TTLL4: variants seen among roughly 807,000 people sequenced by gnomAD.
TTLL4 encodes tubulin monoglutamylase TTLL4.
A neutral mutation model predicts 122.7 loss-of-function variants in TTLL4; 85 were observed. That is an observed-to-expected ratio of 0.69 (90% CI 0.58 to 0.83). The LOEUF (loss-of-function observed/expected upper bound fraction) is 0.83. TTLL4 is among the 40% of genes least tolerant of loss of function. The pLI, the probability that TTLL4 is intolerant of heterozygous loss-of-function variation, is 0.00. For missense variants in TTLL4, 1,363 were observed against 1,488.6 expected, an observed-to-expected ratio of 0.92 and a Z score of 1.39; for synonymous variants, 553 against 563.0, an observed-to-expected ratio of 0.98 and a Z score of 0.25.
chr2:218,724,371 A>G (rs150076247), intron 1 of TTLL4, among the ~76,000 whole-genome samples: 3 of 152,308 alleles, frequency 2.0e-5, no homozygotes, highest in Admixed American at 1.3e-4. Flanking sequence ...TTAACAGTGA[A>G]TGACTCAAGC....
At position 218,754,699 on chromosome 2, in the gene TTLL4, C is replaced by T. The variant is rs1036730995; in HGVS notation, c.*310C>T. On this transcript the variant is annotated 3_prime_UTR_variant, in exon 20 of 20. Transcript: ENST00000392102. Reference sequence around the variant, plus strand: ...GGTTTTGGTTTCTACCTTAAGTGAGCCATGTGTGGTTTGTCTGGGGGCCCT... The same window carrying T: ...GGTTTTGGTTTCTACCTTAAGTGAGTCATGTGTGGTTTGTCTGGGGGCCCT... 9.9e-6 allele frequency: 4 copies of T among 402,384 alleles called. No homozygotes were observed. Among genetic ancestry groups the T allele is most frequent in the Non-Finnish European group, 1.4e-5 (3 of 221,624 alleles). 24.9% of individuals were successfully genotyped at this position (402,384 alleles called of 1,614,324 possible).
At chr2:218,730,339 A>C (rs1328061079) in intron 2 of TTLL4, among the ~76,000 whole-genome samples, 10 of 142,112 alleles carry the variant, frequency 7.0e-5, no homozygotes, top group Non-Finnish European at 1.4e-4. Context: ...AAAAAAAAAA[A>C]AAAAAAAAAA....
chr2:218,722,226 C>T (rs946281007), intron 1 of TTLL4, among the ~76,000 whole-genome samples: 9 of 152,022 alleles, frequency 5.9e-5, no homozygotes, highest in Admixed American at 5.9e-4. Context: ...CCTTGGTGAC[C>T]AAGTGACCTG....
rs1041332078 is a variant in TTLL4, at chr2:218,745,219, C to G, written c.1772C>G (p.Thr591Ser). Residue 591 changes from threonine to serine, a missense_variant, in exon 6 of 20, where the codon ACT (threonine) becomes AGT (serine). By Grantham distance (58) the Thr-to-Ser change is moderately conservative. Coordinates refer to ENST00000392102, the MANE Select transcript of TTLL4 (RefSeq NM_014640.5). ...PNVPPTIYFG[T>S]RDERVEKLPW... ...GTTCCCCCTACCATCTATTTTGGCA[C>G]TCGGGATGAGAGAGGTAAACCTGGC... 5 of 1,614,018 alleles carry G rather than the reference C, an allele frequency of 3.1e-6. No individual in the cohort carries two copies.
At chr2:218,746,005 C>T (rs11898059) in intron 7 of TTLL4, 150 bp from the exon 8 acceptor site, 52,245 of 958,226 alleles carry the variant, frequency 0.055, 1,627 homozygotes, top group African/African-American at 0.11. Context: ...ATTGTTCTGT[C>T]CCTGGCCCCA....
intron 1 of TTLL4, among the ~76,000 whole-genome samples, chr2:218,726,771 T>C (rs1942210812): frequency 6.7e-6 from 1 of 149,318 alleles, no homozygotes; most frequent in African/African-American, 2.5e-5. Flanking sequence ...CTGGCCTCTT[T>C]TGTGAAATTT....
In TTLL4 at chr2:218,726,898, G is replaced by A. The variant is rs186851181; in HGVS notation, c.-177-371G>A. 7.4e-3 allele frequency among the ~76,000 whole-genome samples: 1,124 copies of A among 152,174 alleles called. 12 individuals carry two copies. Among genetic ancestry groups the A allele is most frequent in the African/African-American group, 0.026 (1,074 of 41,504 alleles). On this transcript the variant is annotated intron_variant, in intron 1 of 19. Coordinates refer to ENST00000392102, the MANE Select transcript of TTLL4 (RefSeq NM_014640.5). ...CAGCTCACTGCAACCTTTGCCTCCCGGGTTCAAGTGATTGTCCTGCCTCAG... is the reference window on the plus strand; with the variant it reads ...CAGCTCACTGCAACCTTTGCCTCCCAGGTTCAAGTGATTGTCCTGCCTCAG...
At chr2:218,735,540 T>C (rs751063920) in intron 2 of TTLL4, among the ~76,000 whole-genome samples, 12 of 152,192 alleles carry the variant, frequency 7.9e-5, no homozygotes, top group Admixed American at 1.3e-4. Context: ...TGCCACTGCA[T>C]TCCAGTTTGG....
Position 218,726,899 on chromosome 2 carries a change from G to C in TTLL4, c.-177-370G>C, listed in dbSNP as rs866867546. 1.2e-4 allele frequency among the ~76,000 whole-genome samples: 18 copies of C among 152,246 alleles called. 1 individual carries two copies. The Middle Eastern group carries it at 0.014, about 115-fold the overall frequency. On this transcript the variant is annotated intron_variant, in intron 1 of 19. Transcript: ENST00000392102. The stretch of plus-strand genomic sequence containing the variant: ...AGCTCACTGCAACCTTTGCCTCCCG[G>C]GTTCAAGTGATTGTCCTGCCTCAGC...
Position 218,737,633 on chromosome 2 carries a change from C to T in TTLL4, c.-44C>T. ...CTACCGGAGGTGTGTGGCACCTTAC[C>T]TCAGCAAGGCCATGAGACCGTGTGG... is the stretch of plus-strand genomic sequence containing the variant. On this transcript the variant is annotated 5_prime_UTR_variant, in exon 3 of 20. Transcript: ENST00000392102. The T allele has an allele frequency of 1.3e-6, 2 of 1,531,178 alleles. No individual in the cohort carries two copies. The highest frequency in any genetic ancestry group is 1.8e-6 in the Non-Finnish European group (2 of 1,140,668). 94.8% of individuals were successfully genotyped at this position (1,531,178 alleles called of 1,614,324 possible).
rs368973903 is a variant in TTLL4 at position 218,751,699 on chromosome 2, C to T, written c.2874-5C>T. The stretch of plus-strand genomic sequence containing the variant: ...CCTTTGCTTTCTTTCTGGCCTCTGC[C>T]GTAGCCTGCCCACCTCCCCTGGGGA... On this transcript the variant is annotated splice_region_variant and splice_polypyrimidine_tract_variant and intron_variant, in intron 15 of 19. Transcript: ENST00000392102. The T allele has an allele frequency of 9.3e-6, 15 of 1,611,900 alleles. No homozygotes were observed. Among genetic ancestry groups the T allele is most frequent in the Admixed American group, 8.4e-5 (5 of 59,872 alleles).
At chr2:218,758,395 A>G (rs1402854596), downstream of TTLL4, among the ~76,000 whole-genome samples, 1 of 152,246 alleles carries the variant, frequency 6.6e-6, no homozygotes, top group Non-Finnish European at 1.5e-5. Context: ...GGTGCCTGAT[A>G]ATATATGATG....
intron 3 of TTLL4, 34 bp downstream of exon 3, chr2:218,739,197 A>G (rs372826280): frequency 1.3e-6 from 2 of 1,583,642 alleles, no homozygotes; most frequent in African/African-American, 2.7e-5. Flanking sequence ...CATTTAGAGC[A>G]GTAGAATGTA....
chr2:218,731,371 A>C (rs1471801776), intron 2 of TTLL4, among the ~76,000 whole-genome samples: 2 of 151,520 alleles, frequency 1.3e-5, no homozygotes, highest in African/African-American at 4.9e-5. Context: ...AGATTGTACC[A>C]CTACACTCCA....
At chr2:218,719,142 T>G (rs1026836066) in intron 1 of TTLL4, among the ~76,000 whole-genome samples, 1 of 152,214 alleles carries the variant, frequency 6.6e-6, no homozygotes, top group Admixed American at 6.5e-5. Flanking sequence ...AGACTTAGTG[T>G]TCCATAAAGT....
At chr2:218,751,886 TC>T (rs376660941) in intron 16 of TTLL4, 80 bp downstream of exon 16, 36 of 987,544 alleles carry the variant, frequency 3.6e-5, no homozygotes, top group South Asian at 1.2e-4. Flanking sequence ...AAACAGCTTT[TC>T]TTTTTTTTTT....
Position 218,734,193 on chromosome 2 carries a change from A to G in TTLL4, c.-98-3386A>G, listed in dbSNP as rs138441030. On this transcript the variant is annotated intron_variant, in intron 2 of 19. Coordinates refer to ENST00000392102, the MANE Select transcript of TTLL4 (RefSeq NM_014640.5). The stretch of plus-strand genomic sequence containing the variant: ...CTTAACTTTTCTGAGTCTTGGATTC[A>G]TCATCAGTAAACTGAATGTAAGGTT... 5.2e-3 allele frequency among the ~76,000 whole-genome samples: 798 copies of G among 152,348 alleles called. 19 individuals are homozygous for G. The highest frequency in any genetic ancestry group is 0.048 in the Admixed American group (741 of 15,300).
At position 218,747,345 on chromosome 2, in the gene TTLL4, C is replaced by T. The variant is rs1942872368; in HGVS notation, c.2222C>T (p.Pro741Leu). 4 of 1,614,066 alleles carry T rather than the reference C, an allele frequency of 2.5e-6. No homozygotes were observed. The highest frequency in any genetic ancestry group is 3.4e-6 in the Non-Finnish European group (4 of 1,180,050). Residue 741 changes from proline to leucine, a missense_variant, in exon 10 of 20, where the codon CCC becomes CTC. Around this residue, in one of 3 missense-constraint regions of TTLL4, gnomAD observed 596 missense variants for 655.8 expected, o/e 0.91. Coordinates refer to ENST00000392102, the MANE Select transcript of TTLL4 (RefSeq NM_014640.5). This position sits in a 1 kb window ranked among gnomAD's most constrained non-coding sequence, Gnocchi z 4.7. The stretch of plus-strand genomic sequence containing the variant: ...GTTATTCACAAGTGGAGTCAGCTCC[C>T]CAAGCGAAGGCCCCTCCTGGTACAG... ...IQVIHKWSQL[P>L]KRRPLLVQRY...
chr2:218,757,329 A>G (rs1185653733), downstream of TTLL4, among the ~76,000 whole-genome samples: 1 of 152,092 alleles, frequency 6.6e-6, no homozygotes, highest in Non-Finnish European at 1.5e-5. Flanking sequence ...CACAAACATC[A>G]CCATTCACCC....
Sources: gnomAD v4.1 joint callset for allele counts (sites outside exome capture counted in the v4.1 genomes callset) on GRCh38, gnomAD v4.1.1 for gene constraint, gnomAD v4.1.1 regional missense constraint, Gnocchi (gnomAD v3.1) non-coding constraint, MANE v1.5 for transcripts, NCBI Gene and HGNC (gene_info 2026-07-23, HGNC 2026-07-21) for gene names.